The following SEC24B variants were observed in gnomAD, a reference collection of about 807,000 sequenced individuals.
SEC24B encodes protein transport protein Sec24B.
SEC24B carries 45 observed loss-of-function variants against 142.8 expected under a neutral mutation model. The observed-to-expected ratio is 0.32, with a 90% CI of 0.25 to 0.40. SEC24B has a LOEUF of 0.40. Ranked by LOEUF, SEC24B falls within the 10% of genes least tolerant of loss-of-function variation. The pLI is 1.00. For synonymous variants in SEC24B, 574 were observed against 568.2 expected (o/e 1.01, Z -0.15); for missense variants, 1,409 against 1,526.8 (o/e 0.92, Z 1.29).
At chr4:109,523,746 C>T (rs1478222919) in intron 14 of SEC24B, among the ~76,000 whole-genome samples, 1 of 152,020 alleles carries the variant, frequency 6.6e-6, no homozygotes, top group Non-Finnish European at 1.5e-5. Context: ...GGATAAATTC[C>T]TAGAAGTGAA....
intron 3 of SEC24B, among the ~76,000 whole-genome samples, chr4:109,474,482 TG>T (rs1200152073): frequency 6.6e-6 from 1 of 151,112 alleles, no homozygotes; most frequent in Non-Finnish European, 1.5e-5. Context: ...TTGAGTGCAG[TG>T]GCATGATCTT....
At chr4:109,516,683 T>C (rs1722968640) in intron 11 of SEC24B, 43 bp downstream of exon 11, 1 of 1,106,992 alleles carries the variant, frequency 9.0e-7, no homozygotes. Context: ...GTGTATGTTA[T>C]ATATATAAAT....
chr4:109,449,669 T>G (rs1047124189), intron 1 of SEC24B, among the ~76,000 whole-genome samples: 2 of 152,112 alleles, frequency 1.3e-5, no homozygotes, highest in Non-Finnish European at 2.9e-5. Context: ...TAGAGAGATC[T>G]CTCTCTTCTT....
chr4:109,465,448 C>CT (rs34856274), intron 2 of SEC24B, among the ~76,000 whole-genome samples: 10,941 of 152,246 alleles, frequency 0.072, 556 homozygotes, highest in African/African-American at 0.14. Flanking sequence ...GTTGAATTGC[C>CT]TGTGGTCATT....
intron 1 of SEC24B, among the ~76,000 whole-genome samples, chr4:109,434,791 T>C (rs910968803): frequency 6.6e-6 from 1 of 152,184 alleles, no homozygotes; most frequent in African/African-American, 2.4e-5. Context: ...GAGTTGGCCC[T>C]GCTTTGAGGC....
intron 1 of SEC24B, among the ~76,000 whole-genome samples, chr4:109,435,611 G>A (rs1728338816): frequency 1.3e-5 from 2 of 152,200 alleles, no homozygotes; most frequent in African/African-American, 4.8e-5. Context: ...GCCAGGATAT[G>A]TACTCAGCCA....
At chr4:109,533,225 T>A (rs1725122268) in intron 21 of SEC24B, among the ~76,000 whole-genome samples, 1 of 152,120 alleles carries the variant, frequency 6.6e-6, no homozygotes, top group Non-Finnish European at 1.5e-5. Context: ...AAATGATGCC[T>A]TATGAGCAGA....
intron 4 of SEC24B, among the ~76,000 whole-genome samples, chr4:109,485,855 G>A (rs947610058): frequency 6.6e-6 from 1 of 152,106 alleles, no homozygotes; most frequent in Non-Finnish European, 1.5e-5. Context: ...AGATTTTTGT[G>A]TGTTTAGTTT....
At chr4:109,481,068 A>C (rs1458198646) in intron 3 of SEC24B, among the ~76,000 whole-genome samples, 1 of 152,096 alleles carries the variant, frequency 6.6e-6, no homozygotes, top group African/African-American at 2.4e-5. Flanking sequence ...AGTTTTCTGT[A>C]ATTCTCACAC....
intron 14 of SEC24B, among the ~76,000 whole-genome samples, chr4:109,524,341 ACT>A (rs1348729050): frequency 5.3e-5 from 8 of 151,850 alleles, no homozygotes; most frequent in Non-Finnish European, 1.5e-5. Context: ...GAACTTGGAG[ACT>A]CTCTCCAGTG....
intron 3 of SEC24B, among the ~76,000 whole-genome samples, chr4:109,476,235 C>T (rs990497696): frequency 6.6e-6 from 1 of 152,154 alleles, no homozygotes; most frequent in Non-Finnish European, 1.5e-5. Context: ...GATCTGCCTG[C>T]CTAGGCCTCC....
intron 8 of SEC24B, 52 bp downstream of exon 8, chr4:109,510,163 C>A: frequency 1.1e-6 from 1 of 883,006 alleles, no homozygotes; most frequent in Non-Finnish European, 1.7e-6. Flanking sequence ...TGCTTATGTA[C>A]AAGGTACTTA....
At chr4:109,533,724 C>T in intron 22 of SEC24B, 39 bp downstream of exon 22, 1 of 1,193,172 alleles carries the variant, frequency 8.4e-7, no homozygotes, top group Non-Finnish European at 1.2e-6. Context: ...TTTGTTTGCT[C>T]ATTTTTTTTT....
chr4:109,533,593 G>A lies in SEC24B; in HGVS notation c.3496G>A (p.Val1166Ile), dbSNP rs761950919. 8 of 1,603,496 alleles carry A rather than the reference G, an allele frequency of 5.0e-6. No homozygotes were observed. The highest frequency in any genetic ancestry group is 1.3e-5 in the African/African-American group (1 of 74,470). The change falls in exon 22 of 24, where the codon GTT becomes ATT. Residue 1166 changes from valine (V) to isoleucine (I), a missense_variant and splice_region_variant. Val to Ile is a conservative substitution (Grantham distance 29). Transcript: ENST00000265175. ...EGAFLMDCGS[V>I]FYIWVGKGCD... ...ATATTTTGTTGCTTTTTCTTTTTAG[G>A]TTTTTTACATTTGGGTTGGGAAAGG...
At chr4:109,514,365 T>C (rs1191084788) in intron 10 of SEC24B, among the ~76,000 whole-genome samples, 1 of 152,192 alleles carries the variant, frequency 6.6e-6, no homozygotes, top group Non-Finnish European at 1.5e-5. Context: ...TAAGGTTTGC[T>C]CATCTTCGTT....
intron 22 of SEC24B, among the ~76,000 whole-genome samples, chr4:109,537,910 T>G (rs1234712691): frequency 6.6e-6 from 1 of 152,202 alleles, no homozygotes; most frequent in Non-Finnish European, 1.5e-5. Flanking sequence ...TGCTATTTAA[T>G]TTACAGTTGG....
intron 4 of SEC24B, among the ~76,000 whole-genome samples, chr4:109,489,589 T>C (rs970749230): frequency 2.1e-4 from 31 of 147,856 alleles, no homozygotes; most frequent in Non-Finnish European, 3.7e-4. Flanking sequence ...CCTGGGTCTT[T>C]CATATAAATA....
intron 1 of SEC24B, among the ~76,000 whole-genome samples, chr4:109,455,618 T>TTAG (rs1730588228): frequency 1.3e-5 from 2 of 152,356 alleles, no homozygotes; most frequent in South Asian, 4.1e-4. Context: ...CACATGTAGA[T>TTAG]ATCTAGTTAT....
chr4:109,500,509 A>G (rs1016187835), intron 6 of SEC24B, among the ~76,000 whole-genome samples: 2 of 150,210 alleles, frequency 1.3e-5, no homozygotes, highest in African/African-American at 4.9e-5. Context: ...GCAGCAGTGC[A>G]CACCAGCCTG....
Sources: allele counts gnomAD v4.1 joint callset (sites outside exome capture counted in the v4.1 genomes callset), GRCh38; gene constraint gnomAD v4.1.1; transcripts MANE v1.5; gene names NCBI Gene and HGNC (gene_info 2026-07-23, HGNC 2026-07-21).